Variants in IMMP2L observed in about 807,000 individuals in gnomAD.
IMMP2L encodes the protein mitochondrial inner membrane protease subunit 2.
IMMP2L carries 18 observed loss-of-function variants against 19.3 expected under a neutral mutation model. That is an observed-to-expected ratio of 0.93 (90% CI 0.64 to 1.38). IMMP2L has a LOEUF of 1.38. IMMP2L is among the 40% of genes most tolerant of loss of function. The pLI is 0.00. For missense variants in IMMP2L, 233 were observed against 218.2 expected (o/e 1.07, Z -0.43); for synonymous variants, 76 against 73.0 (o/e 1.04, Z -0.21).
chr7:110,743,452 T>A (rs1026544963), intron 5 of IMMP2L, among the ~76,000 whole-genome samples: 3 of 152,128 alleles, frequency 2.0e-5, no homozygotes, highest in Non-Finnish European at 4.4e-5. Flanking sequence ...AATGTTTTTT[T>A]AAAAAAAATA....
chr7:110,875,942 T>A (rs1358041657), intron 5 of IMMP2L, among the ~76,000 whole-genome samples: 1 of 152,140 alleles, frequency 6.6e-6, no homozygotes, highest in Non-Finnish European at 1.5e-5. Flanking sequence ...ACAATATCAA[T>A]ATACTTATTT....
At position 111,123,821 on chromosome 7, in the gene IMMP2L, A is replaced by C. The variant is rs1800949021; in HGVS notation, c.240-160256T>G. 2 of 1,613,886 alleles carry C rather than the reference A, an allele frequency of 1.2e-6. No individual in the cohort carries two copies. The highest frequency in any genetic ancestry group is 2.2e-5 in the South Asian group (2 of 91,080). On this transcript the variant is annotated intron_variant, in intron 3 of 5. Transcript: ENST00000405709. This position sits in a 1 kb window ranked among gnomAD's most constrained non-coding sequence, Gnocchi z 6.4. ...AACAGCAATGCTCTCAGTGCCCTGT[A>C]CCATGGTACCATTGAGTCTCTGCCA...
At chr7:111,453,131 C>G (rs1242472658) in intron 3 of IMMP2L, among the ~76,000 whole-genome samples, 2 of 152,148 alleles carry the variant, frequency 1.3e-5, no homozygotes, top group South Asian at 4.1e-4. Context: ...AGATAAGTGT[C>G]CATTGCTACA....
Position 111,487,317 on chromosome 7 carries a change from G to A in IMMP2L, c.160C>T (p.Gln54Ter). The change falls in exon 3 of 6, where the codon CAG becomes TAG. Residue 54 changes from glutamine to a stop codon, truncating the protein, a stop_gained. Transcript: ENST00000405709. LOFTEE classifies it high-confidence loss of function. ...MQPSLNPGGS[Q>*]SSDVVLLNHW... ...TTCAAAAGCACCACATCAGATGACT[G>A]GCTCCCCCCAGGATTCAAAGAAGGC... The A allele has an allele frequency of 6.2e-7, 1 of 1,607,484 alleles. No homozygotes were observed. Among genetic ancestry groups the A allele is most frequent in the Non-Finnish European group, 8.5e-7 (1 of 1,174,134 alleles).
chr7:111,517,581 A>G (rs1845978179), intron 2 of IMMP2L, among the ~76,000 whole-genome samples: 1 of 152,130 alleles, frequency 6.6e-6, no homozygotes, highest in Non-Finnish European at 1.5e-5. Context: ...TTCTCACTCA[A>G]ATAAAATCTA....
intron 3 of IMMP2L, among the ~76,000 whole-genome samples, chr7:111,151,251 T>C (rs578177025): frequency 6.6e-6 from 1 of 152,332 alleles, no homozygotes; most frequent in African/African-American, 2.4e-5. Flanking sequence ...TTTGGGATCA[T>C]ACAGTTTATT....
chr7:110,810,412 C>T (rs1349641116), intron 5 of IMMP2L, among the ~76,000 whole-genome samples: 1 of 152,006 alleles, frequency 6.6e-6, no homozygotes, highest in Admixed American at 6.6e-5. Context: ...GTTACCCATT[C>T]CAAACATCTT....
At chr7:111,407,641 G>A (rs1036946196) in intron 3 of IMMP2L, among the ~76,000 whole-genome samples, 1 of 151,970 alleles carries the variant, frequency 6.6e-6, no homozygotes. Flanking sequence ...TGGTTGCCTG[G>A]AGGTAGGGGT....
At chr7:111,418,588 G>C (rs1419006663) in intron 3 of IMMP2L, among the ~76,000 whole-genome samples, 1 of 151,832 alleles carries the variant, frequency 6.6e-6, no homozygotes, top group Admixed American at 6.6e-5. Context: ...TACACTGAGT[G>C]CCTTTGAGCT....
intron 3 of IMMP2L, among the ~76,000 whole-genome samples, chr7:111,475,907 G>T (rs1841678197): frequency 6.6e-6 from 1 of 152,146 alleles, no homozygotes; most frequent in South Asian, 2.1e-4. Context: ...ATCTGTTCCA[G>T]AATTTCTATT....
chr7:111,184,693 T>A (rs1808073745), intron 3 of IMMP2L, among the ~76,000 whole-genome samples: 1 of 152,030 alleles, frequency 6.6e-6, no homozygotes, highest in African/African-American at 2.4e-5. Flanking sequence ...ACTTCTGTTG[T>A]TACCTACAGC....
At chr7:110,962,749 G>A in intron 4 of IMMP2L, 1 of 1,070,160 alleles carries the variant, frequency 9.3e-7, no homozygotes. Flanking sequence ...TAGTTAATAT[G>A]TGTACTATCA....
At chr7:111,085,287 A>T (rs974671922) in intron 3 of IMMP2L, among the ~76,000 whole-genome samples, 1 of 152,216 alleles carries the variant, frequency 6.6e-6, no homozygotes, top group African/African-American at 2.4e-5. Flanking sequence ...TTGCTGAGTC[A>T]AATGGTATTT....
At chr7:110,693,888 G>A (rs993626818) in intron 5 of IMMP2L, among the ~76,000 whole-genome samples, 1 of 152,092 alleles carries the variant, frequency 6.6e-6, no homozygotes, top group Non-Finnish European at 1.5e-5. Flanking sequence ...GGGTACTTGT[G>A]GTAGCAATAA....
At chr7:111,296,179 A>G (rs76833707) in intron 3 of IMMP2L, among the ~76,000 whole-genome samples, 2,958 of 151,996 alleles carry the variant, frequency 0.019, 103 homozygotes, top group African/African-American at 0.067. Flanking sequence ...TCATAACTTT[A>G]TAAGACCAAT....
At chr7:110,686,552 T>G (rs1397760398) in intron 5 of IMMP2L, among the ~76,000 whole-genome samples, 1 of 152,054 alleles carries the variant, frequency 6.6e-6, no homozygotes, top group East Asian at 1.9e-4. Flanking sequence ...CAGATCATAT[T>G]CAGTTGTCTC....
At chr7:110,790,720 G>T (rs903338093) in intron 5 of IMMP2L, among the ~76,000 whole-genome samples, 1 of 151,670 alleles carries the variant, frequency 6.6e-6, no homozygotes, top group African/African-American at 2.4e-5. Flanking sequence ...ATTTTAATAT[G>T]ATGAATTCAG....
chr7:111,287,025 G>A (rs1339768542), intron 3 of IMMP2L, among the ~76,000 whole-genome samples: 1 of 152,164 alleles, frequency 6.6e-6, no homozygotes, highest in Non-Finnish European at 1.5e-5. Flanking sequence ...GAGATGACTT[G>A]CTCCATGGGG....
intron 3 of IMMP2L, among the ~76,000 whole-genome samples, chr7:111,287,679 C>T (rs1820645918): frequency 6.6e-6 from 1 of 152,122 alleles, no homozygotes; most frequent in Admixed American, 6.6e-5. Context: ...AACTGCCATA[C>T]ATTCTGATTC....
Sources: gnomAD v4.1 joint callset for allele counts (sites outside exome capture counted in the v4.1 genomes callset) on GRCh38, gnomAD v4.1.1 for gene constraint, Gnocchi (gnomAD v3.1) non-coding constraint, MANE v1.5 for transcripts, NCBI Gene and HGNC (gene_info 2026-07-23, HGNC 2026-07-21) for gene names.